Variants in DST observed in about 807,000 individuals in gnomAD.
The protein encoded by DST is dystonin.
Under a neutral mutation model 875.2 loss-of-function variants are expected in DST, and 253 were observed. That is an observed-to-expected ratio of 0.29 (90% CI 0.26 to 0.32). The LOEUF is 0.32. Among genes scored for constraint, DST ranks in the 10% least tolerant of loss-of-function variants. The pLI, the probability that DST is intolerant of heterozygous loss-of-function variation, is 1.00. For synonymous variants in DST, 3,124 were observed against 3,197.1 expected (o/e 0.98, Z 0.77); for missense variants, 8,287 against 9,111.6 (o/e 0.91, Z 3.68).
At chr6:56,560,516 AGAG>A in intron 57 of DST, 93 bp from the exon 58 acceptor site, 1 of 1,346,210 alleles carries the variant, frequency 7.4e-7, no homozygotes, top group Non-Finnish European at 1.0e-6. Flanking sequence ...AATAATGAAA[AGAG>A]GAAAAAATCT....
At chr6:56,618,766 C>T (rs1338648860) in intron 36 of DST, 1 of 1,614,056 alleles carries the variant, frequency 6.2e-7, no homozygotes, top group Non-Finnish European at 8.5e-7. Context: ...TTTCCATCTT[C>T]TTCCGAAACT....
intron 72 of DST, among the ~76,000 whole-genome samples, chr6:56,512,354 A>G (rs1172372090): frequency 3.3e-5 from 5 of 152,240 alleles, no homozygotes; most frequent in African/African-American, 1.2e-4. Context: ...CATGGATCCC[A>G]TGGATTTCAA....
At chr6:56,816,364 TGAG>T (rs147876917) in intron 4 of DST, among the ~76,000 whole-genome samples, 4,350 of 152,212 alleles carry the variant, frequency 0.029, 211 homozygotes, top group African/African-American at 0.098. Context: ...TTCGATACTC[TGAG>T]GAGAATAGTG....
At chr6:56,496,644 C>T (rs1583141685) in intron 82 of DST, among the ~76,000 whole-genome samples, 2 of 152,164 alleles carry the variant, frequency 1.3e-5, no homozygotes, top group Non-Finnish European at 2.9e-5. Context: ...ATTACCACCA[C>T]CCATACAGGC....
In DST at chr6:56,529,565, A is replaced by G. The variant is rs1205337518; in HGVS notation, c.17478T>C (p.Phe5826=). ...LQQALCNAKI[F]GEDEVELMNW... is the part of the protein sequence containing the mutation. ...TCATCAGTTCAACTTCATCTTCCCC[A>G]AAAATCTTAGCATTACATAAGGCCT... Residue 5826 remains phenylalanine, a synonymous_variant, in exon 66 of 104, where the codon TTT becomes TTC. Coordinates refer to ENST00000680361, the MANE Select transcript of DST (RefSeq NM_001374736.1). 25 of 1,613,598 alleles carry G rather than the reference A, an allele frequency of 1.5e-5. No homozygotes were observed. Among genetic ancestry groups the G allele is most frequent in the Non-Finnish European group, 2.0e-5 (24 of 1,179,750 alleles).
At chr6:56,810,712 GAA>G (rs1211152515) in intron 4 of DST, among the ~76,000 whole-genome samples, 3 of 140,406 alleles carry the variant, frequency 2.1e-5, no homozygotes, top group Admixed American at 7.2e-5. Flanking sequence ...GTCTCACAGG[GAA>G]AAAAAAAAAA....
chr6:56,701,808 T>C, intron 8 of DST, 80 bp downstream of exon 8: 1 of 868,366 alleles, frequency 1.2e-6, no homozygotes, highest in South Asian at 1.7e-5. Context: ...AATTTAACCT[T>C]GTCATTCCTT....
At position 56,584,521 on chromosome 6, in the gene DST, C is replaced by G. The variant is rs150172138; in HGVS notation, c.12904-5584G>C. ...GAGGCCATGGGGTTTTCTAGATATA[C>G]AATCATGTTGCCTGCAAACAGGGAC... On this transcript the variant is annotated intron_variant, in intron 49 of 103. Transcript: ENST00000680361. 2.3e-4 allele frequency among the ~76,000 whole-genome samples: 35 copies of G among 150,438 alleles called. No individual in the cohort carries two copies. The East Asian group carries it at 6.6e-3, about 28-fold the overall frequency.
intron 60 of DST, among the ~76,000 whole-genome samples, chr6:56,554,217 T>C (rs1198466675): frequency 6.6e-6 from 1 of 151,366 alleles, no homozygotes; most frequent in Non-Finnish European, 1.5e-5. Context: ...CCTGAGTAGC[T>C]GGGACTACAG....
intron 4 of DST, among the ~76,000 whole-genome samples, chr6:56,777,420 T>C (rs1167212645): frequency 6.6e-6 from 1 of 152,040 alleles, no homozygotes; most frequent in African/African-American, 2.4e-5. Context: ...AGTCCCATAA[T>C]TGAAGACTTA....
In DST at chr6:56,482,118, T is replaced by C; in HGVS notation, c.21463A>G (p.Thr7155Ala). The C allele has an allele frequency of 6.2e-7, 1 of 1,613,478 alleles. No homozygotes were observed. Among genetic ancestry groups the C allele is most frequent in the Non-Finnish European group, 8.5e-7 (1 of 1,179,762 alleles). ...LLEWLAEAEQTLRFHGVLPDD... is the reference protein window; with the variant it reads ...LLEWLAEAEQALRFHGVLPDD... ...GGGAGGACACCATGGAAACGCAGGG[T>C]TTGCTCCGCCTCAGCCAGCCACTCC... The change falls in exon 90 of 104, where the codon ACC becomes GCC. Residue 7155 changes from threonine (T) to alanine (A), a missense_variant. Around this residue, in one of 10 missense-constraint regions of DST, gnomAD observed 1,292 missense variants for 1,552.7 expected, o/e 0.83. Transcript: ENST00000680361.
chr6:56,913,381 C>T (rs1483400790), intron 2 of DST, among the ~76,000 whole-genome samples: 1 of 152,182 alleles, frequency 6.6e-6, no homozygotes, highest in Non-Finnish European at 1.5e-5. Flanking sequence ...GACTGAAACT[C>T]AGCAACCTGA....
rs181149016 is a variant in DST at position 56,596,068 on chromosome 6, C to T, written c.12195+1672G>A. 8.6e-5 allele frequency among the ~76,000 whole-genome samples: 13 copies of T among 151,512 alleles called. No individual in the cohort carries two copies. The East Asian group carries it at 1.4e-3, about 16-fold the overall frequency. ...ATTTTGAGATGGAGTCTCGCTCTGT[C>T]GCCAGGCCAGAGGGCAGTGGCACAA... On this transcript the variant is annotated intron_variant, in intron 47 of 103. Transcript: ENST00000680361.
Position 56,530,125 on chromosome 6 carries a change from T to C in DST, c.17117A>G (p.Gln5706Arg). Residue 5706 changes from glutamine to arginine, a missense_variant, in exon 65 of 104, where the codon CAG (glutamine) becomes CGG (arginine). Transcript: ENST00000680361. ...TGCTACCACCGAGATACCTTCCAAC[T>C]GACGATTCCTACAAATGTGCCAAAA... ...LLNKAETRNR[Q>R]LEGISVVAQQ... 6.3e-7 allele frequency: 1 copy of C among 1,587,206 alleles called. No homozygotes were observed. Among genetic ancestry groups the C allele is most frequent in the Non-Finnish European group, 8.6e-7 (1 of 1,169,154 alleles).
intron 4 of DST, among the ~76,000 whole-genome samples, chr6:56,760,337 CTT>C (rs1488855628): frequency 6.6e-6 from 1 of 152,108 alleles, no homozygotes; most frequent in Non-Finnish European, 1.5e-5. Context: ...TTATTTAAAA[CTT>C]ATTTAAAATT....
chr6:56,839,737 A>G (rs2099797766), intron 4 of DST, among the ~76,000 whole-genome samples: 2 of 152,232 alleles, frequency 1.3e-5, no homozygotes, highest in African/African-American at 4.8e-5. Context: ...GAAAATGAAA[A>G]TTATGGTAAT....
chr6:56,562,059 C>T, intron 56 of DST, 79 bp downstream of exon 56: 1 of 841,064 alleles, frequency 1.2e-6, no homozygotes, highest in Non-Finnish European at 1.8e-6. Flanking sequence ...AATATAACTA[C>T]TGTTTGCCTC....
chr6:56,467,193 A>AT (rs1438966877), intron 98 of DST: 2 of 152,208 alleles, frequency 1.3e-5, no homozygotes, highest in Admixed American at 1.3e-4. Flanking sequence ...TTAAACATAA[A>AT]TGGCTTCTTT....
At chr6:56,583,625 C>G (rs1190784662) in intron 49 of DST, among the ~76,000 whole-genome samples, 1 of 152,172 alleles carries the variant, frequency 6.6e-6, no homozygotes, top group East Asian at 1.9e-4. Context: ...TCAATTTTGG[C>G]TTTTGTTGCC....
Sources: gnomAD v4.1 joint callset for allele counts (sites outside exome capture counted in the v4.1 genomes callset) on GRCh38, gnomAD v4.1.1 for gene constraint, gnomAD v4.1.1 regional missense constraint, MANE v1.5 for transcripts, NCBI Gene and HGNC (gene_info 2026-07-23, HGNC 2026-07-21) for gene names.